Variants in OAS3 observed in about 807,000 individuals in gnomAD.
OAS3 encodes the protein 2'-5'-oligoadenylate synthase 3.
Under a neutral mutation model 113.0 loss-of-function variants are expected in OAS3, and 107 were observed. That is an observed-to-expected ratio of 0.95 (90% CI 0.81 to 1.11). The LOEUF (loss-of-function observed/expected upper bound fraction) is 1.11. OAS3 is among the 50% of genes most tolerant of loss of function. The probability of loss-of-function intolerance (pLI) is 0.00; values close to 1 mark genes in which losing one functional copy is unlikely to be tolerated. For synonymous variants in OAS3, 552 were observed against 573.6 expected (o/e 0.96, Z 0.54); for missense variants, 1,258 against 1,389.1 (o/e 0.91, Z 1.50).
At position 112,970,076 on chromosome 12, in the gene OAS3, A is replaced by ATGTGTGTGTGAGCACATGTG; in HGVS notation, c.*106_*125dup. The ATGTGTGTGTGAGCACATGTG allele has an allele frequency of 2.2e-6, 3 of 1,347,038 alleles. No individual in the cohort carries two copies. Among genetic ancestry groups the ATGTGTGTGTGAGCACATGTG allele is most frequent in the Non-Finnish European group, 3.1e-6 (3 of 957,400 alleles). 83.4% of individuals were successfully genotyped at this position (1,347,038 alleles called of 1,614,324 possible). ...CTACCAGATGAGAGAGATTGTGTAC[A>ATGTGTGTGTGAGCACATGTG]TGTGTGTGTGAGCACATGTGTGCAT... On this transcript the variant is annotated 3_prime_UTR_variant, in exon 16 of 16. Coordinates refer to ENST00000228928, the MANE Select transcript of OAS3 (RefSeq NM_006187.4).
chr12:112,951,123 C>A, intron 7 of OAS3, 148 bp downstream of exon 7: 1 of 729,982 alleles, frequency 1.4e-6, no homozygotes, highest in Non-Finnish European at 2.2e-6. Context: ...TAATCATCAC[C>A]ATCAAATCTT....
chr12:112,949,228 CA>C (rs761273353), intron 6 of OAS3, 23 bp downstream of exon 6: 94 of 1,538,574 alleles, frequency 6.1e-5, no homozygotes, highest in Non-Finnish European at 7.5e-5. Flanking sequence ...AGTGGAGACA[CA>C]GGGGGGACCC....
chr12:112,956,261 A>G lies in OAS3; in HGVS notation c.1658-4810A>G, dbSNP rs1248994917. Among the ~76,000 whole-genome samples, 5 of 151,844 alleles carry G rather than the reference A, an allele frequency of 3.3e-5. No homozygotes were observed. The South Asian group carries it at 8.3e-4, about 25-fold the overall frequency. ...TACTAGTCTTGCTAGCAGTCTATCA[A>G]TTTTGTTCATCTTTTCAAAAAACCA... On this transcript the variant is annotated intron_variant, in intron 7 of 15. Transcript: ENST00000228928.
chr12:112,959,813 C>A (rs763740650), intron 7 of OAS3, among the ~76,000 whole-genome samples: 8 of 152,020 alleles, frequency 5.3e-5, no homozygotes, highest in South Asian at 2.1e-4. Flanking sequence ...TTTAAAATTT[C>A]AGTGACTTTT....
intron 12 of OAS3, 32 bp from the exon 13 acceptor site, chr12:112,967,386 C>G (rs764825943): frequency 1.9e-6 from 3 of 1,587,218 alleles, no homozygotes; most frequent in Non-Finnish European, 2.6e-6. Context: ...ACATGGGAGC[C>G]GGAGTGATGG....
chr12:112,947,585 CT>C (rs1172706520), intron 4 of OAS3, among the ~76,000 whole-genome samples: 1 of 152,164 alleles, frequency 6.6e-6, no homozygotes, highest in African/African-American at 2.4e-5. Context: ...GTTCTTTCAA[CT>C]TGGAACTATT....
At chr12:112,952,878 G>C (rs896255819) in intron 7 of OAS3, among the ~76,000 whole-genome samples, 7 of 152,074 alleles carry the variant, frequency 4.6e-5, no homozygotes, top group Non-Finnish European at 1.5e-5. Context: ...CATGAATTTT[G>C]TTTGTTCATT....
At chr12:112,944,799 T>G in intron 3 of OAS3, 148 bp downstream of exon 3, 3 of 822,158 alleles carry the variant, frequency 3.6e-6, no homozygotes, top group Non-Finnish European at 5.9e-6. Flanking sequence ...TATTTTCTCT[T>G]GGGTTAGCTG....
At chr12:112,960,514 A>C (rs1334507971) in intron 7 of OAS3, among the ~76,000 whole-genome samples, 1 of 152,166 alleles carries the variant, frequency 6.6e-6, no homozygotes, top group Non-Finnish European at 1.5e-5. Context: ...CTTTTTCTGG[A>C]AGATAACGTT....
At chr12:112,964,129 A>G in intron 10 of OAS3, 106 bp from the exon 11 acceptor site, 2 of 1,160,046 alleles carry the variant, frequency 1.7e-6, no homozygotes, top group African/African-American at 1.6e-5. Context: ...AAAGAGGGAC[A>G]TGGGAGACAG....
At chr12:112,939,232 G>T (rs866549996) in intron 1 of OAS3, among the ~76,000 whole-genome samples, 4 of 151,344 alleles carry the variant, frequency 2.6e-5, no homozygotes, top group Admixed American at 2.6e-4. Flanking sequence ...CGTTCAGTGA[G>T]GCAGGTATTA....
chr12:112,948,947 C>T lies in OAS3; in HGVS notation c.1116C>T (p.Leu372=). 6.2e-7 allele frequency: 1 copy of T among 1,613,322 alleles called. No individual in the cohort carries two copies. The highest frequency in any genetic ancestry group is 8.5e-7 in the Non-Finnish European group (1 of 1,179,600). ...AGACCCCTGAAAACAGCAAGAGCCT[C>T]AATGCTGTGTACCCAAGAGCAGGGA... ...NQKTPENSKS[L]NAVYPRAGSK... Residue 372 remains leucine, a synonymous_variant, in exon 6 of 16, where the codon CTC becomes CTT. Coordinates refer to ENST00000228928, the MANE Select transcript of OAS3 (RefSeq NM_006187.4).
At chr12:112,959,034 C>T (rs573303964) in intron 7 of OAS3, among the ~76,000 whole-genome samples, 461 of 152,362 alleles carry the variant, frequency 3.0e-3, no homozygotes, top group African/African-American at 0.011. Context: ...CTACTCAAGC[C>T]TCAGCAATGG....
At chr12:112,941,999 AT>A in intron 2 of OAS3, 147 bp downstream of exon 2, 2 of 948,308 alleles carry the variant, frequency 2.1e-6, no homozygotes, top group Non-Finnish European at 3.3e-6. Context: ...GGGACTAAAC[AT>A]ATTGGACTTG....
At position 112,938,477 on chromosome 12, in the gene OAS3, A is replaced by C. The variant is rs2043648124; in HGVS notation, c.-54A>C. ...AGCCGGGCGGGAAAACGAAACCAGA[A>C]ATCCGAAGGCCGCGCCAGAGCCCTG... On this transcript the variant is annotated 5_prime_UTR_variant, in exon 1 of 16. Transcript: ENST00000228928. 6.8e-7 allele frequency: 1 copy of C among 1,474,354 alleles called. No individual in the cohort carries two copies. The highest frequency in any genetic ancestry group is 1.3e-5 in the South Asian group (1 of 76,340). 91.3% of individuals were successfully genotyped at this position (1,474,354 alleles called of 1,614,324 possible). A position where few individuals can be genotyped will look rare whatever the true frequency, so the allele number is the denominator to read the frequency against.
In OAS3 at chr12:112,962,698, C is replaced by T. The variant is rs2043897865; in HGVS notation, c.1880C>T (p.Pro627Leu). The change falls in exon 9 of 16, where the codon CCC becomes CTC. Residue 627 changes from proline (P) to leucine (L), a missense_variant. Physicochemically the swap from Pro to Leu is moderately conservative, Grantham distance 98. Coordinates refer to ENST00000228928, the MANE Select transcript of OAS3 (RefSeq NM_006187.4). The stretch of plus-strand genomic sequence containing the variant: ...AAAGGACCAGCCCCTGCCTCTCTGC[C>T]CCCAGCCTATGCCCTGGAGCTCCTC... Reference protein sequence around the residue: ...KGKGPAPASLPPAYALELLTI... With the variant: ...KGKGPAPASLLPAYALELLTI... 6.2e-7 allele frequency: 1 copy of T among 1,614,018 alleles called. No homozygotes were observed. Among genetic ancestry groups the T allele is most frequent in the Non-Finnish European group, 8.5e-7 (1 of 1,179,896 alleles).
rs771033029 is a variant in OAS3 at position 112,967,927 on chromosome 12, G to A, written c.2866-9G>A. 7.9e-5 allele frequency: 127 copies of A among 1,610,848 alleles called. No individual in the cohort carries two copies. The highest frequency in any genetic ancestry group is 1.3e-4 in the African/African-American group (10 of 74,802). On this transcript the variant is annotated splice_polypyrimidine_tract_variant and intron_variant, in intron 13 of 15. Coordinates refer to ENST00000228928, the MANE Select transcript of OAS3 (RefSeq NM_006187.4). ...TATGAACCAACATATCTTTCTTCTC[G>A]TTCTCCAGTGTACCAAGATCTCCAA...
At chr12:112,969,584 A>T in intron 14 of OAS3, 24 bp from the exon 15 acceptor site, 1 of 1,584,670 alleles carries the variant, frequency 6.3e-7, no homozygotes, top group Non-Finnish European at 8.6e-7. Flanking sequence ...CAGGAATAAG[A>T]CTGTCCCTGG....
Position 112,969,798 on chromosome 12 carries a change from AG to A in OAS3, c.3252+49del, listed in dbSNP as rs778879186. ...CCAAAGGAAGTACCCTTTAGGGGTAAGGGGGGAGCATGGTCAGGGGAGGGAC... is the reference window on the plus strand; with the variant it reads ...CCAAAGGAAGTACCCTTTAGGGGTAAGGGGGAGCATGGTCAGGGGAGGGAC... On this transcript the variant is annotated intron_variant, in intron 15 of 15. Coordinates refer to ENST00000228928, the MANE Select transcript of OAS3 (RefSeq NM_006187.4). 7 of 1,606,322 alleles carry A rather than the reference AG, an allele frequency of 4.4e-6. No homozygotes were observed. The South Asian group carries it at 6.6e-5, about 15-fold the overall frequency.
Sources: allele counts gnomAD v4.1 joint callset (sites outside exome capture counted in the v4.1 genomes callset), GRCh38; gene constraint gnomAD v4.1.1; transcripts MANE v1.5; gene names NCBI Gene and HGNC (gene_info 2026-07-23, HGNC 2026-07-21).